Variants in SRGAP2 observed in about 807,000 individuals in gnomAD.
SRGAP2 encodes SLIT-ROBO Rho GTPase-activating protein 2.
In SRGAP2, 15 loss-of-function variants were observed where a neutral mutation model predicts 57.2. That is an observed-to-expected ratio of 0.26 (90% CI 0.18 to 0.40). The LOEUF is 0.40. Ranked by LOEUF, SRGAP2 falls within the 10% of genes least tolerant of loss-of-function variation. The pLI is 1.00. For synonymous variants in SRGAP2, 249 were observed against 248.0 expected (o/e 1.00, Z -0.04); for missense variants, 520 against 669.6 (o/e 0.78, Z 2.47).
At chr1:206,237,224 T>C (rs1422171120) in intron 2 of SRGAP2, among the ~76,000 whole-genome samples, 5 of 151,952 alleles carry the variant, frequency 3.3e-5, no homozygotes, top group Non-Finnish European at 5.9e-5. Context: ...ATCACACCAC[T>C]GCACTCCAGT....
At chr1:206,268,361 GT>G (rs1553315263) in intron 2 of SRGAP2, among the ~76,000 whole-genome samples, 10 of 146,894 alleles carry the variant, frequency 6.8e-5, no homozygotes. Flanking sequence ...CCTTGCGATA[GT>G]TTGCTCAGAA....
intron 3 of SRGAP2, among the ~76,000 whole-genome samples, chr1:206,313,129 C>T (rs1672789617): frequency 6.8e-6 from 1 of 147,196 alleles, no homozygotes; most frequent in African/African-American, 2.5e-5. Flanking sequence ...CAGAGACCTT[C>T]TGCTATTTTA....
intron 2 of SRGAP2, among the ~76,000 whole-genome samples, chr1:206,278,342 CTTTTTTTT>C (rs1327766898): frequency 7.4e-6 from 1 of 134,474 alleles, no homozygotes; most frequent in Admixed American, 7.5e-5. Flanking sequence ...CTTTCTTCTA[CTTTTTTTT>C]TTTTTTTTTT....
chr1:206,389,758 TGTG>T (rs1656742341), intron 5 of SRGAP2, among the ~76,000 whole-genome samples: 6 of 150,976 alleles, frequency 4.0e-5, no homozygotes, highest in African/African-American at 1.5e-4. Flanking sequence ...GAGCTAAATA[TGTG>T]ACTTCAGTGT....
At position 206,454,566 on chromosome 1, in the gene SRGAP2, A is replaced by G; in HGVS notation, c.2361-312A>G. ...TCCTTCTCCAGGAGGCCGCCCCAGCACGGCCTCCCCAGGAAGCAGCATGGG... is the reference window on the plus strand; with the variant it reads ...TCCTTCTCCAGGAGGCCGCCCCAGCGCGGCCTCCCCAGGAAGCAGCATGGG... On this transcript the variant is annotated intron_variant, in intron 20 of 22. Transcript: ENST00000573034. This position sits in a 1 kb window ranked among gnomAD's most constrained non-coding sequence, Gnocchi z 4.3. 2.4e-6 allele frequency: 1 copy of G among 411,584 alleles called. No individual in the cohort carries two copies. The highest frequency in any genetic ancestry group is 4.3e-6 in the Non-Finnish European group (1 of 231,482). The allele number at this position is 411,584 out of a possible 1,614,324, so 25.5% of individuals were successfully genotyped here.
intron 2 of SRGAP2, among the ~76,000 whole-genome samples, chr1:206,253,603 TCTCA>T (rs1668985524): frequency 8.1e-6 from 1 of 124,184 alleles, no homozygotes; most frequent in Non-Finnish European, 1.6e-5. Context: ...TGAGGCGGAG[TCTCA>T]CTCCGTCCCC....
Position 206,417,414 on chromosome 1 carries a change from C to CTT in SRGAP2, c.1441+1461_1441+1462dup, listed in dbSNP as rs1219905489. On this transcript the variant is annotated intron_variant, in intron 11 of 22. Transcript: ENST00000573034. ...CCACCATGCCTGGCTGATCTTATGACTTTTTTTTTTTTTTTTTTTTTGAGA... is the reference window on the plus strand; with the variant it reads ...CCACCATGCCTGGCTGATCTTATGACTTTTTTTTTTTTTTTTTTTTTTTGAGA... 1.0e-3 allele frequency among the ~76,000 whole-genome samples: 113 copies of CTT among 110,782 alleles called. 1 individual carries two copies. The highest frequency in any genetic ancestry group is 2.7e-3 in the African/African-American group (71 of 26,032). The allele number at this position is 110,782 out of a possible 152,430, so 72.7% of individuals were successfully genotyped here.
intron 2 of SRGAP2, among the ~76,000 whole-genome samples, chr1:206,260,743 T>G (rs1165553571): frequency 3.9e-5 from 6 of 152,230 alleles, no homozygotes; most frequent in Non-Finnish European, 7.3e-5. Flanking sequence ...TCCTTACAAA[T>G]GTGCACTTGA....
chr1:206,323,256 G>A (rs1290224637), intron 3 of SRGAP2, among the ~76,000 whole-genome samples: 4 of 151,990 alleles, frequency 2.6e-5, no homozygotes, highest in East Asian at 3.9e-4. Flanking sequence ...TTTCCTCTCC[G>A]GAATGGGGTC....
Position 206,431,787 on chromosome 1 carries a change from T to A in SRGAP2, c.1555+1565T>A, listed in dbSNP as rs970000205. 5.9e-5 allele frequency among the ~76,000 whole-genome samples: 9 copies of A among 152,344 alleles called. No individual in the cohort carries two copies. In the South Asian group the frequency reaches 1.7e-3, roughly 28 times the overall value. On this transcript the variant is annotated intron_variant, in intron 14 of 22. Coordinates refer to ENST00000573034, the MANE Select transcript of SRGAP2 (RefSeq NM_015326.5). ...TGGAGAAGGAAGAGGGAACACTGTT[T>A]GAAGCTGGTTCAGGGAAAAGGCCTC... is the stretch of plus-strand genomic sequence containing the variant.
chr1:206,326,479 G>A (rs1553329963), intron 3 of SRGAP2, among the ~76,000 whole-genome samples: 1 of 152,154 alleles, frequency 6.6e-6, no homozygotes, highest in Non-Finnish European at 1.5e-5. Context: ...CTGCGCTCTG[G>A]GGCTCTGAGC....
At chr1:206,285,032 A>G (rs1262224440) in intron 2 of SRGAP2, among the ~76,000 whole-genome samples, 2 of 150,868 alleles carry the variant, frequency 1.3e-5, no homozygotes, top group African/African-American at 4.9e-5. Flanking sequence ...AGGAGTTGCC[A>G]TGATTGCGGT....
At chr1:206,433,654 A>G (rs1553369020) in intron 14 of SRGAP2, among the ~76,000 whole-genome samples, 1 of 151,940 alleles carries the variant, frequency 6.6e-6, no homozygotes, top group Non-Finnish European at 1.5e-5. Flanking sequence ...AAAAAAGATA[A>G]ATAAATAAAT....
At chr1:206,332,395 G>C (rs1214655616) in intron 3 of SRGAP2, among the ~76,000 whole-genome samples, 1 of 145,366 alleles carries the variant, frequency 6.9e-6, no homozygotes, top group Non-Finnish European at 1.5e-5. Context: ...ATAATATCCT[G>C]CAGAGTGTTT....
At chr1:206,214,120 A>G (rs1185795236) in intron 2 of SRGAP2, among the ~76,000 whole-genome samples, 2 of 149,590 alleles carry the variant, frequency 1.3e-5, no homozygotes, top group Admixed American at 6.7e-5. Flanking sequence ...AATACAGACC[A>G]ACTTTCTAAG....
At chr1:206,203,821 T>G in intron 1 of SRGAP2, 171 bp downstream of exon 1, 1 of 1,527,914 alleles carries the variant, frequency 6.5e-7, no homozygotes, top group Non-Finnish European at 8.8e-7. Context: ...CCTCTCCAAA[T>G]CTCCCAGTAC....
chr1:206,419,554 CT>C (rs1487633310), intron 12 of SRGAP2, among the ~76,000 whole-genome samples, 154 bp downstream of exon 12: 1 of 152,176 alleles, frequency 6.6e-6, no homozygotes, highest in Non-Finnish European at 1.5e-5. Context: ...TTCCCTTTGC[CT>C]TACTGACCCC....
intron 2 of SRGAP2, chr1:206,206,315 G>T (rs546452762): frequency 3.1e-5 from 13 of 414,746 alleles, no homozygotes; most frequent in South Asian, 3.2e-5. Context: ...CGGACAGGGT[G>T]GGGGGAGGGG....
intron 2 of SRGAP2, among the ~76,000 whole-genome samples, chr1:206,212,151 A>G (rs1388576158): frequency 6.6e-6 from 1 of 152,072 alleles, no homozygotes; most frequent in African/African-American, 2.4e-5. Context: ...TGCTGTGAAC[A>G]TAGGTGTAAC....
Sources: gnomAD v4.1 joint callset for allele counts (sites outside exome capture counted in the v4.1 genomes callset) on GRCh38, gnomAD v4.1.1 for gene constraint, Gnocchi (gnomAD v3.1) non-coding constraint, MANE v1.5 for transcripts, NCBI Gene and HGNC (gene_info 2026-07-23, HGNC 2026-07-21) for gene names.